UBE2E2: variants seen among roughly 807,000 people sequenced by gnomAD.
UBE2E2 encodes ubiquitin-conjugating enzyme E2 E2.
In UBE2E2, 6 loss-of-function variants were observed where a neutral mutation model predicts 24.7. The observed-to-expected ratio is 0.24, with a 90% CI of 0.13 to 0.48. UBE2E2 has a LOEUF of 0.48. Ranked by LOEUF, UBE2E2 falls within the 20% of genes least tolerant of loss-of-function variation. The pLI is 0.99. For missense variants in UBE2E2, 169 were observed against 245.0 expected (o/e 0.69, Z 2.07); for synonymous variants, 104 against 83.6 (o/e 1.24, Z -1.33).
chr3:23,328,914 G>A (rs562600821), intron 3 of UBE2E2, among the ~76,000 whole-genome samples: 5 of 152,160 alleles, frequency 3.3e-5, no homozygotes, highest in Admixed American at 2.6e-4. Context: ...CGCCCACCTC[G>A]GTCTCCCAAA....
intron 3 of UBE2E2, among the ~76,000 whole-genome samples, chr3:23,352,665 C>G (rs1342176452): frequency 6.6e-6 from 1 of 151,930 alleles, no homozygotes; most frequent in Non-Finnish European, 1.5e-5. Flanking sequence ...ACACATACAC[C>G]CTCCCAAGAC....
At chr3:23,573,370 A>C (rs1475052091) in intron 5 of UBE2E2, among the ~76,000 whole-genome samples, 2 of 152,190 alleles carry the variant, frequency 1.3e-5, no homozygotes. Context: ...TTGAATTCTT[A>C]AATTTTTTAA....
chr3:23,301,185 C>G (rs1229928554), intron 3 of UBE2E2, among the ~76,000 whole-genome samples: 1 of 152,140 alleles, frequency 6.6e-6, no homozygotes, highest in Non-Finnish European at 1.5e-5. Context: ...ATCCATTCGT[C>G]TAATTTTTTT....
At chr3:23,242,993 G>A (rs1232099716) in intron 3 of UBE2E2, among the ~76,000 whole-genome samples, 5 of 152,100 alleles carry the variant, frequency 3.3e-5, no homozygotes, top group Admixed American at 2.6e-4. Flanking sequence ...GGCTGAGGCA[G>A]GAGAATTGCT....
At chr3:23,244,024 C>T (rs1470640719) in intron 3 of UBE2E2, among the ~76,000 whole-genome samples, 4 of 151,022 alleles carry the variant, frequency 2.6e-5, no homozygotes, top group African/African-American at 9.7e-5. Context: ...TTTAAAAAAA[C>T]CTGTACAGTT....
chr3:23,507,552 G>C (rs974245447), intron 4 of UBE2E2, among the ~76,000 whole-genome samples: 1 of 152,182 alleles, frequency 6.6e-6, no homozygotes, highest in African/African-American at 2.4e-5. Flanking sequence ...CCCACTTCAT[G>C]GATCAGAAAA....
intron 3 of UBE2E2, among the ~76,000 whole-genome samples, chr3:23,244,232 C>G (rs1697328837): frequency 6.6e-6 from 1 of 151,410 alleles, no homozygotes; most frequent in African/African-American, 2.4e-5. Context: ...CTGCATATGC[C>G]TTATGTGAGA....
intron 5 of UBE2E2, among the ~76,000 whole-genome samples, chr3:23,561,868 C>CT (rs1695940275): frequency 6.6e-6 from 1 of 151,242 alleles, no homozygotes; most frequent in Admixed American, 6.6e-5. Context: ...ATTTGGCTCT[C>CT]TGTCTGTTAT....
At chr3:23,343,503 G>A (rs914637605) in intron 3 of UBE2E2, among the ~76,000 whole-genome samples, 2 of 151,898 alleles carry the variant, frequency 1.3e-5, no homozygotes, top group African/African-American at 4.8e-5. Context: ...TTGAACCTGG[G>A]GAACAGAGGT....
chr3:23,383,815 T>C (rs1164739851), intron 3 of UBE2E2, among the ~76,000 whole-genome samples: 1 of 152,064 alleles, frequency 6.6e-6, no homozygotes, highest in Non-Finnish European at 1.5e-5. Context: ...TATTCTTTGT[T>C]ATTGTACCAA....
intron 4 of UBE2E2, among the ~76,000 whole-genome samples, chr3:23,512,047 A>G (rs887397862): frequency 4.0e-5 from 6 of 151,832 alleles, no homozygotes; most frequent in African/African-American, 1.4e-4. Context: ...TAATAAGGCC[A>G]GGGTCAGGAT....
chr3:23,472,110 C>G (rs1699043343), intron 3 of UBE2E2, among the ~76,000 whole-genome samples: 2 of 152,028 alleles, frequency 1.3e-5, no homozygotes, highest in Admixed American at 6.6e-5. Flanking sequence ...TACATGATAT[C>G]CGAAAGGAAA....
intron 3 of UBE2E2, among the ~76,000 whole-genome samples, chr3:23,247,334 C>T (rs1344695736): frequency 6.6e-6 from 1 of 150,770 alleles, no homozygotes; most frequent in Non-Finnish European, 1.5e-5. Flanking sequence ...AACCTAGTTA[C>T]ATATTATTTA....
chr3:23,584,580 G>A (rs570914274), intron 5 of UBE2E2, among the ~76,000 whole-genome samples: 37 of 151,008 alleles, frequency 2.5e-4, no homozygotes, highest in Admixed American at 9.9e-4. Context: ...CTGGAAAGAC[G>A]GTCTCGCTCT....
chr3:23,558,474 G>A (rs1695843021), intron 5 of UBE2E2, among the ~76,000 whole-genome samples: 1 of 152,156 alleles, frequency 6.6e-6, no homozygotes, highest in Non-Finnish European at 1.5e-5. Context: ...TCTGGTAAAT[G>A]AATTCAGATT....
At chr3:23,246,122 G>A (rs947142587) in intron 3 of UBE2E2, among the ~76,000 whole-genome samples, 17 of 151,944 alleles carry the variant, frequency 1.1e-4, no homozygotes, top group Non-Finnish European at 1.9e-4. Flanking sequence ...ATGGCTCGCC[G>A]AAGCCTCCAC....
intron 3 of UBE2E2, among the ~76,000 whole-genome samples, chr3:23,343,544 C>T (rs1346358301): frequency 6.6e-6 from 1 of 150,754 alleles, no homozygotes; most frequent in Non-Finnish European, 1.5e-5. Flanking sequence ...CCACTACACT[C>T]TAGCCGGGGC....
chr3:23,435,836 C>T (rs935910859), intron 3 of UBE2E2, among the ~76,000 whole-genome samples: 5 of 152,246 alleles, frequency 3.3e-5, no homozygotes, highest in Middle Eastern at 3.4e-3. Context: ...GTATGGGTTA[C>T]GTCGGTGGTC....
At chr3:23,303,990 A>C (rs545309380) in intron 3 of UBE2E2, among the ~76,000 whole-genome samples, 2 of 152,322 alleles carry the variant, frequency 1.3e-5, no homozygotes, top group East Asian at 1.9e-4. Context: ...TTCCCAGGGC[A>C]CTGGGCTTTA....
Sources: allele counts gnomAD v4.1 joint callset (sites outside exome capture counted in the v4.1 genomes callset), GRCh38; gene constraint gnomAD v4.1.1; transcripts MANE v1.5; gene names NCBI Gene and HGNC (gene_info 2026-07-23, HGNC 2026-07-21).